Variants in ACSM2B observed in about 807,000 individuals in gnomAD.
ACSM2B encodes acyl-CoA synthetase medium chain family member 2B.
In ACSM2B, 58 loss-of-function variants were observed where a neutral mutation model predicts 78.6. The ratio of observed to expected loss-of-function variants is 0.74; its 90% CI spans 0.60 to 0.92. The LOEUF is 0.92. Ranked by LOEUF, ACSM2B falls within the 40% of genes least tolerant of loss-of-function variation. The pLI is 0.00. For missense variants in ACSM2B, 688 were observed against 711.2 expected, an observed-to-expected ratio of 0.97 and a Z score of 0.37; for synonymous variants, 257 against 256.8, an observed-to-expected ratio of 1.00 and a Z score of -0.01.
intron 5 of ACSM2B, among the ~76,000 whole-genome samples, chr16:20,552,991 T>A (rs1284588421): frequency 6.6e-6 from 1 of 152,144 alleles, no homozygotes; most frequent in African/African-American, 2.4e-5. Context: ...CTACCAAATT[T>A]TTTGGGGGAA....
chr16:20,554,922 C>T (rs1048558755), intron 4 of ACSM2B, among the ~76,000 whole-genome samples: 6 of 152,220 alleles, frequency 3.9e-5, no homozygotes, highest in East Asian at 1.9e-4. Flanking sequence ...CCACTCTTCA[C>T]GCATGAGTGC....
At chr16:20,549,779 T>C (rs1217499113) in intron 6 of ACSM2B, 1 of 450,574 alleles carries the variant, frequency 2.2e-6, no homozygotes, top group Admixed American at 2.4e-5. Context: ...AATACATTGG[T>C]TTGGTCCAGA....
intron 1 of ACSM2B, chr16:20,574,092 C>T (rs1387439630): frequency 3.3e-5 from 5 of 152,302 alleles, no homozygotes; most frequent in East Asian, 1.9e-4. Context: ...ACTCCCAGAG[C>T]GGCCATCTAT....
At position 20,576,299 on chromosome 16, in the gene ACSM2B, G is replaced by A. The variant is rs1276347622; in HGVS notation, c.-101C>T. Reference sequence around the variant, plus strand: ...CCAGAACTCCTACAGCCTTGGAAGAGAGCACAGTAACTCAAGCAGACAGCT... The same window carrying A: ...CCAGAACTCCTACAGCCTTGGAAGAAAGCACAGTAACTCAAGCAGACAGCT... On this transcript the variant is annotated 5_prime_UTR_variant, in exon 1 of 14. Coordinates refer to ENST00000329697, the MANE Select transcript of ACSM2B (RefSeq NM_001105069.2). The A allele has an allele frequency of 2.0e-5, 3 of 151,430 alleles. No homozygotes were observed. The highest frequency in any genetic ancestry group is 4.4e-5 in the Non-Finnish European group (3 of 68,036). 9.4% of individuals were successfully genotyped at this position (151,430 alleles called of 1,614,324 possible).
intron 6 of ACSM2B, chr16:20,549,690 C>T (rs1357028913): frequency 1.4e-5 from 6 of 414,968 alleles, no homozygotes; most frequent in African/African-American, 4.2e-5. Context: ...CCTGAGAACA[C>T]GTGCCCAAGG....
At chr16:20,548,272 G>T in intron 7 of ACSM2B, 87 bp from the exon 8 acceptor site, 1 of 1,608,802 alleles carries the variant, frequency 6.2e-7, no homozygotes, top group East Asian at 2.2e-5. Flanking sequence ...GTGCTTTGAT[G>T]ATGCAAATGG....
At chr16:20,557,510 C>T (rs556150694) in intron 3 of ACSM2B, among the ~76,000 whole-genome samples, 1 of 152,344 alleles carries the variant, frequency 6.6e-6, no homozygotes, top group South Asian at 2.1e-4. Flanking sequence ...TCCAACTCCA[C>T]TATTGCCTTC....
chr16:20,537,459 T>C, intron 13 of ACSM2B, 97 bp from the exon 14 acceptor site: 2 of 1,411,336 alleles, frequency 1.4e-6, no homozygotes, highest in Non-Finnish European at 2.0e-6. Flanking sequence ...TTCTTCAGGC[T>C]GGAGCCACTT....
At chr16:20,555,713 C>G (rs2015453212) in intron 3 of ACSM2B, among the ~76,000 whole-genome samples, 2 of 152,140 alleles carry the variant, frequency 1.3e-5, no homozygotes, top group African/African-American at 4.8e-5. Flanking sequence ...AATTGAATTG[C>G]TAATGTCACA....
At chr16:20,553,947 C>A in intron 4 of ACSM2B, 27 bp from the exon 5 acceptor site, 1 of 1,612,236 alleles carries the variant, frequency 6.2e-7, no homozygotes, top group South Asian at 1.1e-5. Flanking sequence ...TTGTCATTTT[C>A]TCAGATCTAG....
At chr16:20,573,728 C>T (rs1341292729) in intron 1 of ACSM2B, among the ~76,000 whole-genome samples, 40 of 151,322 alleles carry the variant, frequency 2.6e-4, no homozygotes, top group African/African-American at 9.4e-4. Flanking sequence ...GGGCTGTCAT[C>T]ACATAGTGGT....
In ACSM2B at chr16:20,552,364, G is replaced by C. The variant is rs28493824; in HGVS notation, c.741-67C>G. On this transcript the variant is annotated intron_variant, in intron 5 of 13. Coordinates refer to ENST00000329697, the MANE Select transcript of ACSM2B (RefSeq NM_001105069.2). ...ATGCTTAGGATGCGTGGGACACTAA[G>C]GTGTAGGGGAGGAAAGGGAGGTGTG... is the stretch of plus-strand genomic sequence containing the variant. 9.9e-3 allele frequency: 15,301 copies of C among 1,543,588 alleles called. 1,106 individuals carry two copies. In the African/African-American group the frequency reaches 0.18, roughly 18 times the overall value.
At chr16:20,566,834 T>C (rs1442145154) in intron 1 of ACSM2B, among the ~76,000 whole-genome samples, 1 of 118,368 alleles carries the variant, frequency 8.4e-6, no homozygotes, top group Non-Finnish European at 1.7e-5. Context: ...ATCTTTTATA[T>C]ATATACTATA....
chr16:20,547,861 G>A (rs1000277553), intron 8 of ACSM2B: 38 of 1,286,600 alleles, frequency 3.0e-5, no homozygotes, highest in Non-Finnish European at 3.7e-5. Flanking sequence ...TCACTGGAAT[G>A]TAATCTCCCA....
chr16:20,542,237 C>T (rs1222367910), intron 12 of ACSM2B: 1 of 149,624 alleles, frequency 6.7e-6, no homozygotes, highest in African/African-American at 2.5e-5. Flanking sequence ...ACCAACCTCC[C>T]TTCATCCCCC....
chr16:20,561,065 T>C (rs2015639062), intron 2 of ACSM2B, among the ~76,000 whole-genome samples: 1 of 152,066 alleles, frequency 6.6e-6, no homozygotes, highest in Non-Finnish European at 1.5e-5. Flanking sequence ...GAATAGATAA[T>C]GTTGCATATA....
rs192970920 is a variant in ACSM2B at position 20,559,584 on chromosome 16, T to C, written c.178-137A>G. On this transcript the variant is annotated intron_variant, in intron 2 of 13. Coordinates refer to ENST00000329697, the MANE Select transcript of ACSM2B (RefSeq NM_001105069.2). ...CACCTCCATACAATCATAAAAAGTA[T>C]TGAAAACCCTAAAGAGTTGTTATTT... The C allele has an allele frequency of 1.1e-3, 1,485 of 1,296,772 alleles. 95 individuals carry two copies. The African/African-American group carries it at 0.02, about 18-fold the overall frequency. 80.3% of individuals were successfully genotyped at this position (1,296,772 alleles called of 1,614,324 possible).
At chr16:20,555,205 C>T (rs1321863357) in intron 4 of ACSM2B, 64 bp downstream of exon 4, 4 of 1,609,136 alleles carry the variant, frequency 2.5e-6, no homozygotes, top group Non-Finnish European at 3.4e-6. Context: ...AGCACCTGCA[C>T]CTAAGTGCTT....
rs2015436658 is a variant in ACSM2B, at chr16:20,555,289, C to A, written c.576G>T (p.Leu192=). ...CTCACTTTAGTAGTTTCTTGAAGTT[C>A]AGCCACCCATCGCAGCTTTTCTCAG... is the stretch of plus-strand genomic sequence containing the variant. ...LVSEKSCDGW[L]NFKKLLNEAS... The change falls in exon 4 of 14, where the codon CTG becomes CTT. Residue 192 remains leucine, a synonymous_variant. Transcript: ENST00000329697. 1.2e-6 allele frequency: 2 copies of A among 1,613,740 alleles called. No homozygotes were observed. The highest frequency in any genetic ancestry group is 1.7e-6 in the Non-Finnish European group (2 of 1,179,858).
Sources: allele counts gnomAD v4.1 joint callset (sites outside exome capture counted in the v4.1 genomes callset), GRCh38; gene constraint gnomAD v4.1.1; transcripts MANE v1.5; gene names NCBI Gene and HGNC (gene_info 2026-07-23, HGNC 2026-07-21).